The following SLC35A1 variants were observed in gnomAD, a reference collection of about 807,000 sequenced individuals.
SLC35A1 encodes the protein CMP-sialic acid transporter.
SLC35A1 carries 21 observed loss-of-function variants against 40.3 expected under a neutral mutation model. That is an observed-to-expected ratio of 0.52 (90% CI 0.37 to 0.75). The LOEUF (loss-of-function observed/expected upper bound fraction) is 0.75. Among genes scored for constraint, SLC35A1 ranks in the 30% least tolerant of loss-of-function variants. The pLI is 0.00. For missense variants in SLC35A1, 297 were observed against 382.1 expected (o/e 0.78, Z 1.86); for synonymous variants, 146 against 147.3 (o/e 0.99, Z 0.06).
intron 2 of SLC35A1, among the ~76,000 whole-genome samples, chr6:87,486,621 A>G (rs965176343): frequency 6.6e-6 from 1 of 152,230 alleles, no homozygotes; most frequent in African/African-American, 2.4e-5. Context: ...GGGTGCTACA[A>G]ACATGCATGA....
chr6:87,485,235 T>C (rs544857066), intron 2 of SLC35A1, among the ~76,000 whole-genome samples: 1 of 152,350 alleles, frequency 6.6e-6, no homozygotes, highest in Admixed American at 6.5e-5. Context: ...AGTTGATTCA[T>C]GTTTGAATTT....
At chr6:87,501,333 T>C (rs1335713105) in intron 4 of SLC35A1, 23 bp downstream of exon 4, 1 of 1,606,844 alleles carries the variant, frequency 6.2e-7, no homozygotes, top group South Asian at 1.1e-5. Context: ...ATGCACACCA[T>C]AACTTCCCAT....
intron 1 of SLC35A1, among the ~76,000 whole-genome samples, chr6:87,474,814 C>G (rs530399355): frequency 6.6e-6 from 1 of 152,250 alleles, no homozygotes; most frequent in African/African-American, 2.4e-5. Context: ...CCACTTAGAT[C>G]AGTAGTTATT....
At chr6:87,494,227 C>T (rs952320727) in intron 2 of SLC35A1, among the ~76,000 whole-genome samples, 1 of 152,042 alleles carries the variant, frequency 6.6e-6, no homozygotes, top group African/African-American at 2.4e-5. Flanking sequence ...TGGGTTGTCT[C>T]CAGTCTTCTA....
intron 7 of SLC35A1, among the ~76,000 whole-genome samples, chr6:87,509,726 C>T (rs1202015199): frequency 6.6e-6 from 1 of 152,114 alleles, no homozygotes; most frequent in Non-Finnish European, 1.5e-5. Flanking sequence ...TAATACAAAA[C>T]TCATTAATAT....
At chr6:87,486,257 T>G (rs1222125962) in intron 2 of SLC35A1, among the ~76,000 whole-genome samples, 1 of 152,202 alleles carries the variant, frequency 6.6e-6, no homozygotes, top group Non-Finnish European at 1.5e-5. Context: ...CTTATCGAAG[T>G]AGCACCTGAA....
rs116037322 is a variant in SLC35A1, at chr6:87,510,888, A to T, written c.887-511A>T. Among the ~76,000 whole-genome samples, 1,392 of 151,766 alleles carry T rather than the reference A, an allele frequency of 9.2e-3. 24 individuals carry two copies. The highest frequency in any genetic ancestry group is 0.031 in the African/African-American group (1,293 of 41,374). On this transcript the variant is annotated intron_variant, in intron 7 of 7. Coordinates refer to ENST00000369552, the MANE Select transcript of SLC35A1 (RefSeq NM_006416.5). The stretch of plus-strand genomic sequence containing the variant: ...CTCCGTCTCAAAAAAAAAAAAGATG[A>T]AAAAAGGGTTAAGACTAGTAGGAAA...
chr6:87,506,573 T>C (rs532999626), intron 5 of SLC35A1, 125 bp downstream of exon 5: 2 of 806,428 alleles, frequency 2.5e-6, no homozygotes, highest in South Asian at 1.4e-5. Flanking sequence ...TTCTTGCTTA[T>C]ATTTAGTTTT....
intron 2 of SLC35A1, among the ~76,000 whole-genome samples, chr6:87,485,989 T>G (rs764541615): frequency 6.6e-5 from 10 of 152,200 alleles, no homozygotes; most frequent in Non-Finnish European, 1.2e-4. Context: ...AGTAAAAGCT[T>G]CTTCCTTTTT....
chr6:87,477,222 G>GA (rs1010727713), intron 1 of SLC35A1, 140 bp from the exon 2 acceptor site: 6 of 724,116 alleles, frequency 8.3e-6, no homozygotes, highest in Non-Finnish European at 2.3e-6. Context: ...ACATTGTTTT[G>GA]AAAAAAATTT....
chr6:87,505,305 T>C (rs1678997576), intron 4 of SLC35A1, among the ~76,000 whole-genome samples: 1 of 152,052 alleles, frequency 6.6e-6, no homozygotes, highest in South Asian at 2.1e-4. Flanking sequence ...AGTGATACTA[T>C]TGAGATAGTA....
intron 2 of SLC35A1, among the ~76,000 whole-genome samples, chr6:87,497,196 G>GCTTTTT (rs10659816): frequency 2.7e-5 from 4 of 150,392 alleles, no homozygotes; most frequent in Non-Finnish European, 3.0e-5. Flanking sequence ...AGCATCCTCT[G>GCTTTTT]TTTTTTTTTG....
intron 7 of SLC35A1, among the ~76,000 whole-genome samples, chr6:87,511,061 T>G (rs1770251438): frequency 6.6e-6 from 1 of 152,008 alleles, no homozygotes; most frequent in Non-Finnish European, 1.5e-5. Context: ...TCTTTTGTAC[T>G]TATATATATT....
chr6:87,477,456 A>T lies in SLC35A1; in HGVS notation c.111A>T (p.Ser37=). 1 of 1,613,996 alleles carries T rather than the reference A, an allele frequency of 6.2e-7. No individual in the cohort carries two copies. Among genetic ancestry groups the T allele is most frequent in the Non-Finnish European group, 8.5e-7 (1 of 1,179,890 alleles). ...TAGCTTTAAGATACACAAGGACATC[A>T]GACAAAGAACTCTACTTTTCAACCA... ...YTIALRYTRT[S]DKELYFSTTA... The change falls in exon 2 of 8, where the codon TCA becomes TCT. Residue 37 remains serine (S), a synonymous_variant. Coordinates refer to ENST00000369552, the MANE Select transcript of SLC35A1 (RefSeq NM_006416.5).
At chr6:87,509,932 ATATAT>A (rs1770210398) in intron 7 of SLC35A1, among the ~76,000 whole-genome samples, 1 of 152,214 alleles carries the variant, frequency 6.6e-6, no homozygotes, top group East Asian at 1.9e-4. Flanking sequence ...TATCTGTTAA[ATATAT>A]TAAGTAAAAG....
intron 2 of SLC35A1, among the ~76,000 whole-genome samples, chr6:87,483,982 ACC>A (rs1769321847): frequency 6.6e-6 from 1 of 152,108 alleles, no homozygotes; most frequent in Non-Finnish European, 1.5e-5. Flanking sequence ...TCCACACAAC[ACC>A]ACAAGCAGGG....
At chr6:87,497,187 G>T (rs1769755940) in intron 2 of SLC35A1, among the ~76,000 whole-genome samples, 1 of 99,542 alleles carries the variant, frequency 1.0e-5, no homozygotes, top group African/African-American at 5.0e-5. Context: ...AGTTCTTTTA[G>T]CATCCTCTGT....
intron 4 of SLC35A1, among the ~76,000 whole-genome samples, chr6:87,504,755 G>T (rs1015738713): frequency 2.5e-4 from 38 of 152,252 alleles, no homozygotes; most frequent in African/African-American, 9.1e-4. Flanking sequence ...TTTCCTAACT[G>T]TAGAGACATT....
chr6:87,508,577 T>A lies in SLC35A1; in HGVS notation c.732T>A (p.Tyr244Ter). 1 of 1,612,632 alleles carries A rather than the reference T, an allele frequency of 6.2e-7. No homozygotes were observed. ...KEKGFFYGYT[Y>*]YVWFVIFLAS... ...AAGGATTTTTCTATGGTTACACATA[T>A]TATGTCTGGTTTGTCATCTGTAAGT... is the stretch of plus-strand genomic sequence containing the variant. Residue 244 changes from tyrosine to a stop codon, truncating the protein, a stop_gained, in exon 6 of 8, where the codon TAT becomes TAA. Transcript: ENST00000369552. LOFTEE classifies it high-confidence loss of function.
Sources: allele counts gnomAD v4.1 joint callset (sites outside exome capture counted in the v4.1 genomes callset), GRCh38; gene constraint gnomAD v4.1.1; transcripts MANE v1.5; gene names NCBI Gene and HGNC (gene_info 2026-07-23, HGNC 2026-07-21).